Variants in C2CD5 observed in about 807,000 individuals in gnomAD.
C2CD5 encodes C2 calcium dependent domain containing 5.
In C2CD5, 109 loss-of-function variants were observed where a neutral mutation model predicts 130.3. That is an observed-to-expected ratio of 0.84 (90% CI 0.72 to 0.98). The LOEUF (loss-of-function observed/expected upper bound fraction) is 0.98. Ranked by LOEUF, C2CD5 falls within the 50% of genes least tolerant of loss-of-function variation. The pLI, the probability that C2CD5 is intolerant of heterozygous loss-of-function variation, is 0.00. For missense variants in C2CD5, 996 were observed against 1,261.8 expected, an observed-to-expected ratio of 0.79 and a Z score of 3.19; for synonymous variants, 454 against 429.2, an observed-to-expected ratio of 1.06 and a Z score of -0.71.
At chr12:22,472,611 T>C (rs570159037) in intron 17 of C2CD5, 133 bp downstream of exon 17, 1 of 719,976 alleles carries the variant, frequency 1.4e-6, no homozygotes, top group East Asian at 2.6e-5. Context: ...TACCTTGGAG[T>C]AGCAAAGTAC....
intron 8 of C2CD5, among the ~76,000 whole-genome samples, chr12:22,515,590 C>T (rs762871765): frequency 3.3e-5 from 5 of 152,040 alleles, no homozygotes; most frequent in Non-Finnish European, 7.4e-5. Flanking sequence ...TCAAATGTTA[C>T]TAACTAAAAG....
intron 10 of C2CD5, among the ~76,000 whole-genome samples, chr12:22,494,218 T>C (rs1946720293): frequency 6.6e-6 from 1 of 152,056 alleles, no homozygotes; most frequent in South Asian, 2.1e-4. Flanking sequence ...TAGCATATCA[T>C]AATTTATTTC....
chr12:22,499,333 T>A (rs1012019231), intron 10 of C2CD5, among the ~76,000 whole-genome samples: 1 of 152,202 alleles, frequency 6.6e-6, no homozygotes, highest in Non-Finnish European at 1.5e-5. Flanking sequence ...TAGTTAAGAG[T>A]ACAGGTTCTG....
chr12:22,525,987 G>A (rs908315816), intron 4 of C2CD5, among the ~76,000 whole-genome samples: 7 of 152,138 alleles, frequency 4.6e-5, no homozygotes, highest in Non-Finnish European at 1.0e-4. Flanking sequence ...TTTGAGATAG[G>A]CTAGGCTAAG....
At chr12:22,482,218 G>A (rs1190938103) in intron 14 of C2CD5, among the ~76,000 whole-genome samples, 1 of 152,108 alleles carries the variant, frequency 6.6e-6, no homozygotes, top group African/African-American at 2.4e-5. Context: ...TCAGTTCCCT[G>A]CAACAAAGAG....
At chr12:22,463,096 A>AG (rs1941467188) in intron 22 of C2CD5, among the ~76,000 whole-genome samples, 2 of 147,636 alleles carry the variant, frequency 1.4e-5, no homozygotes, top group South Asian at 2.2e-4. Context: ...AGAGAGAGAG[A>AG]AAAAAAAAGG....
intron 10 of C2CD5, among the ~76,000 whole-genome samples, chr12:22,494,025 G>C (rs748402672): frequency 2.9e-4 from 44 of 152,068 alleles, no homozygotes; most frequent in Admixed American, 5.2e-4. Flanking sequence ...ATGATTTAGA[G>C]TCACAGAATT....
intron 22 of C2CD5, among the ~76,000 whole-genome samples, chr12:22,466,696 G>A (rs1215421710): frequency 2.0e-5 from 3 of 152,120 alleles, no homozygotes; most frequent in South Asian, 2.1e-4. Flanking sequence ...AAATAAGCAC[G>A]CAACACAAAC....
intron 22 of C2CD5, among the ~76,000 whole-genome samples, chr12:22,462,225 CT>C (rs1941296602): frequency 6.6e-6 from 1 of 152,150 alleles, no homozygotes; most frequent in Non-Finnish European, 1.5e-5. Flanking sequence ...GTCTTTCAGG[CT>C]TTGCTGAGTT....
intron 25 of C2CD5, among the ~76,000 whole-genome samples, chr12:22,454,297 T>G (rs996146124): frequency 6.6e-6 from 1 of 152,158 alleles, no homozygotes; most frequent in Non-Finnish European, 1.5e-5. Flanking sequence ...AATTTGCCCA[T>G]GACTAGCTAT....
chr12:22,449,955 T>A (rs1040307822), intron 26 of C2CD5, 64 bp from the exon 27 acceptor site: 3 of 1,397,604 alleles, frequency 2.1e-6, no homozygotes, highest in African/African-American at 2.8e-5. Context: ...TTCTGTTACA[T>A]AAGGGGCAGT....
intron 10 of C2CD5, among the ~76,000 whole-genome samples, chr12:22,504,294 G>GTTTTTT (rs1012550563): frequency 7.1e-6 from 1 of 141,842 alleles, no homozygotes; most frequent in Non-Finnish European, 1.5e-5. Context: ...AAATCAAAAT[G>GTTTTTT]TTTTTTTTTC....
At chr12:22,478,219 T>TG in intron 15 of C2CD5, 94 bp downstream of exon 15, 1 of 985,502 alleles carries the variant, frequency 1.0e-6, no homozygotes, top group Non-Finnish European at 1.6e-6. Context: ...AGCTAAACAG[T>TG]GAAAAAAAAA....
intron 2 of C2CD5, among the ~76,000 whole-genome samples, chr12:22,538,789 T>A (rs546644926): frequency 6.6e-6 from 1 of 152,246 alleles, no homozygotes; most frequent in South Asian, 2.1e-4. Context: ...CACCTGAAAA[T>A]TTTTTCTTCC....
In C2CD5 at chr12:22,449,728, C is replaced by T; in HGVS notation, c.*32G>A. On this transcript the variant is annotated 3_prime_UTR_variant, in exon 27 of 27. Transcript: ENST00000446597. ...CAAAATAACAGAGATTGATGAATTT[C>T]ATTTAGTTGAGCTCTTTTTTCCTAA... The T allele has an allele frequency of 3.3e-6, 5 of 1,526,080 alleles. No individual in the cohort carries two copies. Among genetic ancestry groups the T allele is most frequent in the Non-Finnish European group, 4.5e-6 (5 of 1,117,006 alleles). 94.5% of individuals were successfully genotyped at this position (1,526,080 alleles called of 1,614,324 possible). A position where few individuals can be genotyped will look rare whatever the true frequency, so the allele number is the denominator to read the frequency against.
At chr12:22,527,582 T>G (rs1361691173) in intron 4 of C2CD5, 139 bp downstream of exon 4, 2 of 473,180 alleles carry the variant, frequency 4.2e-6, no homozygotes, top group Middle Eastern at 5.7e-4. Context: ...CCTCCCAAAG[T>G]GCTGGGATTA....
chr12:22,478,754 G>A (rs2136262340), intron 14 of C2CD5, among the ~76,000 whole-genome samples: 1 of 152,066 alleles, frequency 6.6e-6, no homozygotes, highest in Middle Eastern at 3.4e-3. Context: ...GGTGAGGCAG[G>A]ACAATCACTT....
Position 22,472,323 on chromosome 12 carries a change from A to C in C2CD5, c.2132T>G (p.Ile711Ser), listed in dbSNP as rs899914013. 2 of 1,500,754 alleles carry C rather than the reference A, an allele frequency of 1.3e-6. No homozygotes were observed. Among genetic ancestry groups the C allele is most frequent in the Non-Finnish European group, 1.8e-6 (2 of 1,093,938 alleles). 93.0% of individuals were successfully genotyped at this position (1,500,754 alleles called of 1,614,324 possible). A position where few individuals can be genotyped will look rare whatever the true frequency, so the allele number is the denominator to read the frequency against. The change falls in exon 18 of 27, where the codon ATT (isoleucine) becomes AGT (serine). Residue 711 changes from isoleucine (I) to serine (S), a missense_variant. Coordinates refer to ENST00000446597, the MANE Select transcript of C2CD5 (RefSeq NM_001286176.2). ...GGTCCAATTATTTATACCGGGCATA[A>C]TTTCTGTATTACAACTATAAAAGCC... is the stretch of plus-strand genomic sequence containing the variant. ...PSGFYSCNTE[I>S]MPGINNWTSE...
intron 16 of C2CD5, among the ~76,000 whole-genome samples, chr12:22,474,045 T>C (rs1205732333): frequency 2.0e-5 from 3 of 152,114 alleles, no homozygotes. Context: ...TCTTTAAACC[T>C]CCAATCCCAT....
Sources: allele counts gnomAD v4.1 joint callset (sites outside exome capture counted in the v4.1 genomes callset), GRCh38; gene constraint gnomAD v4.1.1; transcripts MANE v1.5; gene names NCBI Gene and HGNC (gene_info 2026-07-23, HGNC 2026-07-21).